Variants in YWHAQ observed in about 807,000 individuals in gnomAD.
The protein encoded by YWHAQ is tyrosine 3-monooxygenase/tryptophan 5-monooxygenase activation protein theta.
Under a neutral mutation model 28.3 loss-of-function variants are expected in YWHAQ, and 6 were observed. The ratio of observed to expected loss-of-function variants is 0.21; its 90% CI spans 0.12 to 0.42. YWHAQ has a LOEUF of 0.42. Ranked by LOEUF, YWHAQ falls within the 10% of genes least tolerant of loss-of-function variation. The pLI, the probability that YWHAQ is intolerant of heterozygous loss-of-function variation, is 1.00. For synonymous variants in YWHAQ, 143 were observed against 119.1 expected, an observed-to-expected ratio of 1.20 and a Z score of -1.31; for missense variants, 201 against 305.6, an observed-to-expected ratio of 0.66 and a Z score of 2.55.
At chr2:9,596,231 G>GA (rs1322097896) in intron 2 of YWHAQ, among the ~76,000 whole-genome samples, 1 of 147,808 alleles carries the variant, frequency 6.8e-6, no homozygotes, top group Admixed American at 6.9e-5. Context: ...CATATCTTAG[G>GA]AAAAAAAGGC....
intron 2 of YWHAQ, among the ~76,000 whole-genome samples, chr2:9,600,677 C>A (rs957636761): frequency 2.0e-5 from 3 of 151,872 alleles, no homozygotes; most frequent in Non-Finnish European, 1.5e-5. Flanking sequence ...TGCACTCCAG[C>A]CTGGGCAACA....
At chr2:9,620,698 T>C (rs996762460) in intron 2 of YWHAQ, 2 of 152,198 alleles carry the variant, frequency 1.3e-5, no homozygotes, top group Non-Finnish European at 2.9e-5. Flanking sequence ...CAATGTCTAA[T>C]ATCAACTATT....
chr2:9,595,649 A>G (rs1666553601), intron 2 of YWHAQ, among the ~76,000 whole-genome samples: 1 of 148,104 alleles, frequency 6.8e-6, no homozygotes, highest in South Asian at 2.1e-4. Flanking sequence ...AGTTCCAGTG[A>G]GCTGAGATAT....
chr2:9,611,339 C>G (rs2125069932), intron 2 of YWHAQ, among the ~76,000 whole-genome samples: 1 of 152,298 alleles, frequency 6.6e-6, no homozygotes, highest in East Asian at 1.9e-4. Context: ...AGAGAACATA[C>G]TAGTCATGTC....
intron 3 of YWHAQ, among the ~76,000 whole-genome samples, chr2:9,590,423 ACT>A (rs1338522392): frequency 6.6e-6 from 1 of 152,108 alleles, no homozygotes; most frequent in Non-Finnish European, 1.5e-5. Flanking sequence ...GGATGGCAAA[ACT>A]CTCATTTTCA....
chr2:9,587,435 C>T lies in YWHAQ; in HGVS notation c.657G>A (p.Gln219=). Residue 219 remains glutamine (Q), a synonymous_variant, in exon 5 of 6, where the codon CAG becomes CAA. Transcript: ENST00000238081. The part of the protein sequence containing the change: ...DSYKDSTLIM[Q]LLRDNLTLWT... ...TCACTGTTAGGTTGTCTCTAAGCAA[C>T]TGCATGATGAGGGTGCTGTCTTTGT... 6.2e-7 allele frequency: 1 copy of T among 1,611,796 alleles called. No homozygotes were observed. The highest frequency in any genetic ancestry group is 8.5e-7 in the Non-Finnish European group (1 of 1,178,902).
At chr2:9,617,074 C>A (rs573645047) in intron 2 of YWHAQ, among the ~76,000 whole-genome samples, 37 of 151,978 alleles carry the variant, frequency 2.4e-4, no homozygotes, top group Non-Finnish European at 4.1e-4. Flanking sequence ...CATTCTCCTG[C>A]CTCAGCCTCC....
chr2:9,602,840 AAAAAAAAAAAAAAAAAAAAAAAATAT>A (rs1276390605), intron 2 of YWHAQ, among the ~76,000 whole-genome samples: 111 of 24,514 alleles, frequency 4.5e-3, no homozygotes, highest in African/African-American at 0.016. Context: ...AAAAAAAAAA[AAAAAAAAAAAAAAAAAAAAAAAATAT>A]ATATATATAT....
In YWHAQ at chr2:9,597,826, G is replaced by A. The variant is rs552258479; in HGVS notation, c.295-6311C>T. Among the ~76,000 whole-genome samples, 423 of 144,504 alleles carry A rather than the reference G, an allele frequency of 2.9e-3. 4 individuals are homozygous for A. Among genetic ancestry groups the A allele is most frequent in the African/African-American group, 0.01 (390 of 38,884 alleles). The allele number at this position is 144,504 out of a possible 152,430, so 94.8% of individuals were successfully genotyped here. A position where few individuals can be genotyped will look rare whatever the true frequency, so the allele number is the denominator to read the frequency against. On this transcript the variant is annotated intron_variant, in intron 2 of 5. Transcript: ENST00000238081. The stretch of plus-strand genomic sequence containing the variant: ...TTTATTGAGACAGAGTTTCACTCTT[G>A]TTGCCCAGGCTGGAGTGCAATGGTG...
In YWHAQ at chr2:9,630,395, C is replaced by T. The variant is rs774114759; in HGVS notation, c.58G>A (p.Asp20Asn). The T allele has an allele frequency of 5.0e-6, 8 of 1,613,698 alleles. No individual in the cohort carries two copies. Residue 20 changes from aspartate (D) to asparagine (N), a missense_variant, in exon 2 of 6, where the codon GAC (aspartate) becomes AAC (asparagine). This residue lies in a region of YWHAQ where 162 missense variants were observed against 213.9 expected (regional missense o/e 0.76). Transcript: ENST00000238081. This position sits in a 1 kb window ranked among gnomAD's most constrained non-coding sequence, Gnocchi z 5.6. ...GCCTTCATGCAGGTGGCCATGTCGTCGTAGCGCTCGGCCTGCTCGGCCAGC... is the reference window on the plus strand; with the variant it reads ...GCCTTCATGCAGGTGGCCATGTCGTTGTAGCGCTCGGCCTGCTCGGCCAGC... Reference protein sequence around the residue: ...AKLAEQAERYDDMATCMKAVT... With the variant: ...AKLAEQAERYNDMATCMKAVT...
chr2:9,602,851 A>T (rs1666732448), intron 2 of YWHAQ, among the ~76,000 whole-genome samples: 1 of 16,434 alleles, frequency 6.1e-5, no homozygotes, highest in Non-Finnish European at 1.3e-4. Context: ...AAAAAAAAAA[A>T]AAAAAAAAAA....
chr2:9,600,872 C>T (rs1666679489), intron 2 of YWHAQ, among the ~76,000 whole-genome samples: 1 of 152,180 alleles, frequency 6.6e-6, no homozygotes, highest in African/African-American at 2.4e-5. Flanking sequence ...AAGATAAGGA[C>T]TTCTAAAGGC....
chr2:9,618,087 T>C (rs1041550600), intron 2 of YWHAQ, among the ~76,000 whole-genome samples: 5 of 152,146 alleles, frequency 3.3e-5, no homozygotes, highest in East Asian at 1.9e-4. Flanking sequence ...AGCAGATTAG[T>C]AGTTGTCAGG....
intron 2 of YWHAQ, among the ~76,000 whole-genome samples, chr2:9,618,437 G>C (rs1268914844): frequency 6.6e-6 from 1 of 152,150 alleles, no homozygotes; most frequent in Non-Finnish European, 1.5e-5. Flanking sequence ...TCTAAAGAGG[G>C]AAATTATTTG....
intron 2 of YWHAQ, among the ~76,000 whole-genome samples, chr2:9,624,529 G>C (rs931515312): frequency 1.1e-4 from 16 of 152,042 alleles, no homozygotes; most frequent in Admixed American, 1.0e-3. Context: ...GCATGGGGGG[G>C]GCTGGGGTCT....
chr2:9,586,433 A>G, intron 5 of YWHAQ, among the ~76,000 whole-genome samples: 1 of 152,198 alleles, frequency 6.6e-6, no homozygotes, highest in East Asian at 1.9e-4. Flanking sequence ...AACAAACAAA[A>G]CAAAATCCCC....
Position 9,630,864 on chromosome 2 carries a change from C to T in YWHAQ, c.-83+77G>A, listed in dbSNP as rs1315898384. 1 of 152,614 alleles carries T rather than the reference C, an allele frequency of 6.6e-6. No homozygotes were observed. Among genetic ancestry groups the T allele is most frequent in the Non-Finnish European group, 1.5e-5 (1 of 68,078 alleles). 9.5% of individuals were successfully genotyped at this position (152,614 alleles called of 1,614,324 possible). ...GGAGCGGCATCGACAACCGGCTGCT[C>T]TCAAGGGCGGCACCTCCGCCCGGCC... On this transcript the variant is annotated intron_variant, in intron 1 of 5. Coordinates refer to ENST00000238081, the MANE Select transcript of YWHAQ (RefSeq NM_006826.4). This position sits in a 1 kb window ranked among gnomAD's most constrained non-coding sequence, Gnocchi z 5.6.
Position 9,630,323 on chromosome 2 carries a change from G to A in YWHAQ, c.130C>T (p.Leu44Phe), listed in dbSNP as rs1254370439. The change falls in exon 2 of 6, where the codon CTC becomes TTC. Residue 44 changes from leucine (L) to phenylalanine (F), a missense_variant. By Grantham distance (22) the Leu-to-Phe change is conservative. Coordinates refer to ENST00000238081, the MANE Select transcript of YWHAQ (RefSeq NM_006826.4). The surrounding 1 kb of genome is among the most constrained non-coding windows in gnomAD (Gnocchi z 5.6). ...ACCACGTTCTTGTAGGCCACGGAGAGCAGGTTGCGCTCCTCGTTGGACAGC... is the reference window on the plus strand; with the variant it reads ...ACCACGTTCTTGTAGGCCACGGAGAACAGGTTGCGCTCCTCGTTGGACAGC... ...AELSNEERNLLSVAYKNVVGG... is the reference protein window; with the variant it reads ...AELSNEERNLFSVAYKNVVGG... The A allele has an allele frequency of 1.2e-6, 2 of 1,614,072 alleles. No individual in the cohort carries two copies. The highest frequency in any genetic ancestry group is 2.7e-5 in the African/African-American group (2 of 74,954).
chr2:9,600,895 T>C (rs1160660732), intron 2 of YWHAQ, among the ~76,000 whole-genome samples: 1 of 152,106 alleles, frequency 6.6e-6, no homozygotes, highest in Non-Finnish European at 1.5e-5. Flanking sequence ...AGATGATCGA[T>C]TTCTTGGCAA....
Sources: gnomAD v4.1 joint callset for allele counts (sites outside exome capture counted in the v4.1 genomes callset) on GRCh38, gnomAD v4.1.1 for gene constraint, gnomAD v4.1.1 regional missense constraint, Gnocchi (gnomAD v3.1) non-coding constraint, MANE v1.5 for transcripts, NCBI Gene and HGNC (gene_info 2026-07-23, HGNC 2026-07-21) for gene names.